SPTLC3: variants seen among roughly 807,000 people sequenced by gnomAD.
The protein encoded by SPTLC3 is serine palmitoyltransferase 3.
A neutral mutation model predicts 59.3 loss-of-function variants in SPTLC3; 36 were observed. That is an observed-to-expected ratio of 0.61 (90% CI 0.47 to 0.80). The LOEUF (loss-of-function observed/expected upper bound fraction) is 0.80. Among genes scored for constraint, SPTLC3 ranks in the 30% least tolerant of loss-of-function variants. The pLI, the probability that SPTLC3 is intolerant of heterozygous loss-of-function variation, is 0.00. For synonymous variants in SPTLC3, 257 were observed against 240.8 expected (o/e 1.07, Z -0.62); for missense variants, 625 against 685.1 (o/e 0.91, Z 0.98).
At chr20:13,090,899 G>A (rs1323576154) in intron 4 of SPTLC3, among the ~76,000 whole-genome samples, 184 bp from the exon 5 acceptor site, 2 of 150,964 alleles carry the variant, frequency 1.3e-5, no homozygotes, top group Non-Finnish European at 2.9e-5. Flanking sequence ...ACCCCACATT[G>A]TATTTTTCCA....
chr20:13,135,721 A>T (rs1390624413), intron 9 of SPTLC3, among the ~76,000 whole-genome samples: 2 of 152,238 alleles, frequency 1.3e-5, no homozygotes, highest in Non-Finnish European at 2.9e-5. Flanking sequence ...AGTTGGAACG[A>T]TTCTAGCTAT....
intron 4 of SPTLC3, among the ~76,000 whole-genome samples, chr20:13,080,301 A>T (rs950954186): frequency 1.3e-5 from 2 of 152,074 alleles, no homozygotes; most frequent in African/African-American, 4.8e-5. Flanking sequence ...CGAGGTCAAG[A>T]GATCAAGACC....
At chr20:13,125,943 A>G (rs2037978797) in intron 8 of SPTLC3, among the ~76,000 whole-genome samples, 1 of 152,200 alleles carries the variant, frequency 6.6e-6, no homozygotes, top group Non-Finnish European at 1.5e-5. Context: ...CTATTTTTGT[A>G]AACACTGCTA....
At chr20:13,056,323 A>G (rs1003650278) in intron 2 of SPTLC3, among the ~76,000 whole-genome samples, 2 of 152,116 alleles carry the variant, frequency 1.3e-5, no homozygotes, top group Admixed American at 1.3e-4. Flanking sequence ...ACCTTTTATT[A>G]TTTGTTCAAT....
At chr20:13,027,124 C>T (rs1986187036) in intron 1 of SPTLC3, among the ~76,000 whole-genome samples, 1 of 152,210 alleles carries the variant, frequency 6.6e-6, no homozygotes, top group Non-Finnish European at 1.5e-5. Context: ...CATCTCTCCT[C>T]CTCTAACAGT....
intron 1 of SPTLC3, among the ~76,000 whole-genome samples, chr20:13,037,065 C>T (rs774850370): frequency 9.2e-5 from 14 of 152,258 alleles, no homozygotes; most frequent in Admixed American, 6.5e-4. Context: ...ATGCCTTCCC[C>T]TTATGCCACA....
rs183769112 is a variant in SPTLC3 at position 13,079,750 on chromosome 20, T to C, written c.607+5253T>C. On this transcript the variant is annotated intron_variant, in intron 4 of 11. Coordinates refer to ENST00000399002, the MANE Select transcript of SPTLC3 (RefSeq NM_018327.4). ...GTGTTGGCCTCCCATCTTTTCCAGG[T>C]GAATTCACCTCATCCTGGCAGAATG... The C allele has an allele frequency of 1.5e-3, 722 of 470,336 alleles. 5 individuals are homozygous for C. Among genetic ancestry groups the C allele is most frequent in the African/African-American group, 0.013 (657 of 50,024 alleles). The allele number at this position is 470,336 out of a possible 1,614,324, so 29.1% of individuals were successfully genotyped here. A position where few individuals can be genotyped will look rare whatever the true frequency, so the allele number is the denominator to read the frequency against.
intron 1 of SPTLC3, among the ~76,000 whole-genome samples, chr20:13,017,957 A>C (rs1461714039): frequency 6.6e-6 from 1 of 152,104 alleles, no homozygotes; most frequent in Non-Finnish European, 1.5e-5. Context: ...ACCATGCTTT[A>C]AGGAAGCCCA....
At chr20:13,124,782 G>C (rs1009748924) in intron 8 of SPTLC3, among the ~76,000 whole-genome samples, 1 of 152,188 alleles carries the variant, frequency 6.6e-6, no homozygotes, top group Non-Finnish European at 1.5e-5. Context: ...ACATACCTAA[G>C]AGAGATGGAA....
At chr20:13,101,103 G>A (rs1164972645) in intron 6 of SPTLC3, among the ~76,000 whole-genome samples, 3 of 152,186 alleles carry the variant, frequency 2.0e-5, no homozygotes, top group African/African-American at 7.2e-5. Flanking sequence ...TGGGTGCCAG[G>A]ATAGATAACT....
chr20:13,042,864 A>G (rs1987052466), intron 1 of SPTLC3, among the ~76,000 whole-genome samples: 1 of 152,220 alleles, frequency 6.6e-6, no homozygotes, highest in Admixed American at 6.5e-5. Context: ...ATGTCCAAAT[A>G]CTTTAAAAAG....
chr20:13,077,423 T>C (rs1363789066), intron 4 of SPTLC3, among the ~76,000 whole-genome samples: 1 of 152,064 alleles, frequency 6.6e-6, no homozygotes, highest in African/African-American at 2.4e-5. Flanking sequence ...ATATTACCAC[T>C]AGACTTCACC....
chr20:13,119,021 T>C (rs889846519), intron 8 of SPTLC3, among the ~76,000 whole-genome samples: 3 of 152,212 alleles, frequency 2.0e-5, no homozygotes, highest in African/African-American at 7.2e-5. Context: ...CTAAAACCAT[T>C]GGGAAAGCCC....
At chr20:13,088,544 C>T (rs978009650) in intron 4 of SPTLC3, among the ~76,000 whole-genome samples, 3 of 151,902 alleles carry the variant, frequency 2.0e-5, no homozygotes, top group South Asian at 2.1e-4. Context: ...AGGATGGTCT[C>T]GATCTCCTGA....
At chr20:13,141,619 G>A (rs1023571355) in intron 9 of SPTLC3, among the ~76,000 whole-genome samples, 1 of 152,188 alleles carries the variant, frequency 6.6e-6, no homozygotes, top group African/African-American at 2.4e-5. Flanking sequence ...GGCATTCAAG[G>A]CCCTTGGCAT....
chr20:13,070,841 C>T (rs1171954797), intron 2 of SPTLC3, among the ~76,000 whole-genome samples: 2 of 152,046 alleles, frequency 1.3e-5, no homozygotes, highest in African/African-American at 2.4e-5. Flanking sequence ...AGAGTGACAG[C>T]GTGTGCATTA....
chr20:13,125,679 G>A (rs1424203247), intron 8 of SPTLC3, among the ~76,000 whole-genome samples: 1 of 152,196 alleles, frequency 6.6e-6, no homozygotes. Flanking sequence ...GTCCTTCTCT[G>A]TTCCACATGG....
intron 6 of SPTLC3, among the ~76,000 whole-genome samples, chr20:13,100,458 G>A (rs1479554113): frequency 6.6e-6 from 1 of 152,134 alleles, no homozygotes; most frequent in Non-Finnish European, 1.5e-5. Flanking sequence ...AGCCAGGCCT[G>A]GTGGCTCATA....
intron 7 of SPTLC3, among the ~76,000 whole-genome samples, chr20:13,113,160 G>A (rs960674619): frequency 6.6e-6 from 1 of 152,150 alleles, no homozygotes. Context: ...TCCAGCCTGG[G>A]AGACAGAGAG....
Sources: allele counts gnomAD v4.1 joint callset (sites outside exome capture counted in the v4.1 genomes callset), GRCh38; gene constraint gnomAD v4.1.1; transcripts MANE v1.5; gene names NCBI Gene and HGNC (gene_info 2026-07-23, HGNC 2026-07-21).